MRPS6: variants seen among roughly 807,000 people sequenced by gnomAD.
MRPS6 encodes mitochondrial ribosomal protein S6.
In MRPS6, 6 loss-of-function variants were observed where a neutral mutation model predicts 13.1. That is an observed-to-expected ratio of 0.46 (90% CI 0.25 to 0.91). The LOEUF (loss-of-function observed/expected upper bound fraction) is 0.91, where lower values mean the gene tolerates loss of function less well. Ranked by LOEUF, MRPS6 falls within the 40% of genes least tolerant of loss-of-function variation. The probability of loss-of-function intolerance (pLI) is 0.18; values close to 1 mark genes in which losing one functional copy is unlikely to be tolerated. For missense variants in MRPS6, 164 were observed against 155.6 expected, an observed-to-expected ratio of 1.05 and a Z score of -0.29; for synonymous variants, 61 against 56.5, an observed-to-expected ratio of 1.08 and a Z score of -0.36.
In MRPS6 at chr21:34,073,668, G is replaced by A; in HGVS notation, c.-33G>A. On this transcript the variant is annotated 5_prime_UTR_variant, in exon 1 of 3. Transcript: ENST00000399312. ...CCCCTTCGCGTCCCGGGAACCGGCT[G>A]GCTTCCGAGCCGCACTCGCCGATCC... 1 of 1,512,602 alleles carries A rather than the reference G, an allele frequency of 6.6e-7. No homozygotes were observed. Among genetic ancestry groups the A allele is most frequent in the Admixed American group, 1.9e-5 (1 of 53,738 alleles). The allele number at this position is 1,512,602 out of a possible 1,614,324, so 93.7% of individuals were successfully genotyped here.
chr21:34,126,406 G>C (rs1980306121), intron 2 of MRPS6, among the ~76,000 whole-genome samples: 1 of 152,214 alleles, frequency 6.6e-6, no homozygotes, highest in African/African-American at 2.4e-5. Context: ...CTTTCTTACT[G>C]CATTTAAACC....
intron 1 of MRPS6, among the ~76,000 whole-genome samples, chr21:34,109,392 C>T (rs921302747): frequency 1.3e-5 from 2 of 152,142 alleles, no homozygotes; most frequent in Non-Finnish European, 2.9e-5. Flanking sequence ...GTCAAGCTTT[C>T]CAAAGAAAGT....
intron 2 of MRPS6, among the ~76,000 whole-genome samples, chr21:34,129,393 G>T (rs984264657): frequency 6.6e-6 from 1 of 152,084 alleles, no homozygotes; most frequent in Non-Finnish European, 1.5e-5. Flanking sequence ...GTTTCTACCG[G>T]GTCTGATTTT....
chr21:34,094,964 C>T (rs957633959), intron 1 of MRPS6: 7 of 495,818 alleles, frequency 1.4e-5, no homozygotes, highest in Non-Finnish European at 2.1e-5. Flanking sequence ...ATTAAGAGTA[C>T]GAGCTAAGTT....
intron 1 of MRPS6, chr21:34,103,340 A>G: frequency 1.0e-6 from 1 of 987,816 alleles, no homozygotes; most frequent in Non-Finnish European, 1.2e-6. Context: ...AACATGCATT[A>G]CATTGACATA....
intron 1 of MRPS6, among the ~76,000 whole-genome samples, chr21:34,074,613 C>T (rs1989280012): frequency 6.6e-6 from 1 of 152,236 alleles, no homozygotes; most frequent in African/African-American, 2.4e-5. Context: ...CTCCTCAAGT[C>T]GTCGCCGAAA....
At chr21:34,118,557 CTT>C (rs373895797) in intron 1 of MRPS6, among the ~76,000 whole-genome samples, 8 of 133,126 alleles carry the variant, frequency 6.0e-5, no homozygotes, top group Admixed American at 3.0e-4. Flanking sequence ...TTCTTTCTTT[CTT>C]TTTTTTTTTT....
At chr21:34,089,746 T>C (rs1419999340) in intron 1 of MRPS6, among the ~76,000 whole-genome samples, 1 of 152,202 alleles carries the variant, frequency 6.6e-6, no homozygotes, top group Admixed American at 6.5e-5. Flanking sequence ...CTCCCTACTC[T>C]GCCTCAACTT....
intron 2 of MRPS6, among the ~76,000 whole-genome samples, chr21:34,132,886 A>AC (rs1426988224): frequency 6.6e-6 from 1 of 152,194 alleles, no homozygotes; most frequent in Non-Finnish European, 1.5e-5. Context: ...GGCAGTGACC[A>AC]CTTCATAGCT....
At chr21:34,084,575 A>G (rs1324157271) in intron 1 of MRPS6, among the ~76,000 whole-genome samples, 1 of 152,218 alleles carries the variant, frequency 6.6e-6, no homozygotes, top group Non-Finnish European at 1.5e-5. Context: ...ACACACCTAC[A>G]TATTATACAC....
intron 1 of MRPS6, chr21:34,099,177 A>C (rs928356446): frequency 1.0e-6 from 1 of 999,512 alleles, no homozygotes; most frequent in Non-Finnish European, 1.2e-6. Flanking sequence ...TGAAGAGCTT[A>C]GAGTGCCTTG....
rs553917360 is a variant in MRPS6 at position 34,075,057 on chromosome 21, C to T, written c.45+1312C>T. ...ATATCCCTTTTGGCCCTCCTCCTTG[C>T]TTACCAGCATATGTAACTCCGAAAG... On this transcript the variant is annotated intron_variant, in intron 1 of 2. Coordinates refer to ENST00000399312, the MANE Select transcript of MRPS6 (RefSeq NM_032476.4). Among the ~76,000 whole-genome samples the T allele has an allele frequency of 1.1e-4, 17 of 152,352 alleles. No homozygotes were observed. In the East Asian group the frequency reaches 2.9e-3, roughly 26 times the overall value.
chr21:34,097,380 A>G (rs749310015), intron 1 of MRPS6: 78 of 1,556,612 alleles, frequency 5.0e-5, no homozygotes, highest in Non-Finnish European at 6.6e-5. Flanking sequence ...TGAGACACTA[A>G]CTTAAGACAA....
chr21:34,104,728 A>C (rs1979401466), intron 1 of MRPS6: 1 of 999,302 alleles, frequency 1.0e-6, no homozygotes, highest in Admixed American at 6.1e-5. Flanking sequence ...CCAGAAGTGC[A>C]GGAAAGAGAA....
At chr21:34,135,208 A>G (rs1980647903) in intron 2 of MRPS6, among the ~76,000 whole-genome samples, 1 of 152,082 alleles carries the variant, frequency 6.6e-6, no homozygotes, top group African/African-American at 2.4e-5. Context: ...TGCTGTGAAC[A>G]TTTGTGTACA....
At chr21:34,095,204 A>G (rs756204417) in intron 1 of MRPS6, 2 of 1,597,986 alleles carry the variant, frequency 1.3e-6, no homozygotes, top group Non-Finnish European at 8.5e-7. Context: ...CCAGAATGAG[A>G]GCTGTACTGG....
chr21:34,131,109 C>G (rs758029837), intron 2 of MRPS6, among the ~76,000 whole-genome samples: 1 of 152,136 alleles, frequency 6.6e-6, no homozygotes, highest in South Asian at 2.1e-4. Context: ...CTTATTGATT[C>G]AATCACCAAG....
intron 2 of MRPS6, chr21:34,136,074 A>G (rs749206298): frequency 4.1e-5 from 10 of 244,052 alleles, no homozygotes; most frequent in Non-Finnish European, 6.4e-5. Flanking sequence ...TCGGTCATCC[A>G]GAGGGCACAG....
chr21:34,113,136 G>T (rs1979769853), intron 1 of MRPS6, among the ~76,000 whole-genome samples: 2 of 152,202 alleles, frequency 1.3e-5, no homozygotes, highest in African/African-American at 2.4e-5. Flanking sequence ...CACACCGTTG[G>T]TGGGAATAAA....
Sources: allele counts gnomAD v4.1 joint callset (sites outside exome capture counted in the v4.1 genomes callset), GRCh38; gene constraint gnomAD v4.1.1; transcripts MANE v1.5; gene names NCBI Gene and HGNC (gene_info 2026-07-23, HGNC 2026-07-21).